Variants in AGMO observed in about 807,000 individuals in gnomAD.
AGMO encodes glyceryl-ether monooxygenase.
A neutral mutation model predicts 60.2 loss-of-function variants in AGMO; 75 were observed. The observed-to-expected ratio is 1.25, with a 90% CI of 1.03 to 1.51. AGMO has a LOEUF of 1.51. Ranked by LOEUF, AGMO falls within the 40% of genes most tolerant of loss-of-function variation. The probability of loss-of-function intolerance (pLI) is 0.00; values close to 1 mark genes in which losing one functional copy is unlikely to be tolerated. For synonymous variants in AGMO, 261 were observed against 177.1 expected (o/e 1.47, Z -3.76); for missense variants, 763 against 525.5 (o/e 1.45, Z -4.42).
chr7:15,240,423 A>T (rs1041054105), intron 12 of AGMO, among the ~76,000 whole-genome samples: 1 of 152,190 alleles, frequency 6.6e-6, no homozygotes, highest in African/African-American at 2.4e-5. Flanking sequence ...GAACCTACAG[A>T]GGACACATTT....
intron 10 of AGMO, among the ~76,000 whole-genome samples, chr7:15,378,835 CAT>C (rs1783562883): frequency 6.6e-6 from 1 of 151,350 alleles, no homozygotes; most frequent in African/African-American, 2.4e-5. Context: ...CTACATGACA[CAT>C]AATCTAAAAT....
intron 12 of AGMO, among the ~76,000 whole-genome samples, chr7:15,326,484 T>C (rs1379995161): frequency 6.6e-6 from 1 of 152,200 alleles, no homozygotes; most frequent in Admixed American, 6.5e-5. Flanking sequence ...TGCCTGCCTC[T>C]TCGCATTCTA....
intron 12 of AGMO, among the ~76,000 whole-genome samples, chr7:15,248,224 A>ATATCTC (rs1486326352): frequency 1.0e-5 from 1 of 98,748 alleles, no homozygotes; most frequent in African/African-American, 4.1e-5. Context: ...ATATATATAT[A>ATATCTC]TCTTCATCTT....
At chr7:15,236,014 A>C (rs1470192259) in intron 12 of AGMO, among the ~76,000 whole-genome samples, 2 of 152,154 alleles carry the variant, frequency 1.3e-5, no homozygotes, top group African/African-American at 4.8e-5. Context: ...CCTCAAGAGC[A>C]AGTTTAAAAT....
rs1046360647 is a variant in AGMO at position 15,455,301 on chromosome 7, T to A, written c.410-24193A>T. ...TTTCTTCTCTACAATCTATCATTAG[T>A]TTATTCCCAAATTCTGCTGCAGAAA... On this transcript the variant is annotated intron_variant, in intron 3 of 12. Transcript: ENST00000342526. 2.6e-5 allele frequency among the ~76,000 whole-genome samples: 4 copies of A among 152,264 alleles called. No individual in the cohort carries two copies. The East Asian group carries it at 7.7e-4, about 29-fold the overall frequency.
chr7:15,144,680 T>A, the AGMO span, among the ~76,000 whole-genome samples: 1 of 152,244 alleles, frequency 6.6e-6, no homozygotes, highest in Admixed American at 6.5e-5. Flanking sequence ...CTGTCTGCCC[T>A]TGCCGCTTTA....
At chr7:15,461,307 A>C (rs1272639266) in intron 3 of AGMO, among the ~76,000 whole-genome samples, 4 of 151,960 alleles carry the variant, frequency 2.6e-5, no homozygotes, top group Non-Finnish European at 5.9e-5. Flanking sequence ...TATGTAAAAA[A>C]AACTTTATAC....
chr7:15,447,998 C>A (rs554490320), intron 3 of AGMO, among the ~76,000 whole-genome samples: 38 of 152,262 alleles, frequency 2.5e-4, no homozygotes, highest in African/African-American at 8.9e-4. Flanking sequence ...AACAAAAATT[C>A]TTTTGATTGC....
At position 15,202,801 on chromosome 7, in the gene AGMO, T is replaced by C. The variant is rs1053757772; in HGVS notation, c.1264-1442A>G. ...CTGTAATTCAAGAGAAATGACCTCA[T>C]GGCACTTCTTCTGATGGTGCCAGGT... is the stretch of plus-strand genomic sequence containing the variant. On this transcript the variant is annotated intron_variant, in intron 12 of 12. Coordinates refer to ENST00000342526, the MANE Select transcript of AGMO (RefSeq NM_001004320.2). Among the ~76,000 whole-genome samples the C allele has an allele frequency of 4.6e-5, 7 of 152,154 alleles. No homozygotes were observed. The South Asian group carries it at 1.2e-3, about 27-fold the overall frequency.
In AGMO at chr7:15,385,563, C is replaced by T. The variant is rs549085660; in HGVS notation, c.958-1G>A. ...AGAAGGGAACTTCTTTGCCGGTGAC[C>T]TAGGGAGACAAGAACCATTTCCTTT... On this transcript the variant is annotated splice_acceptor_variant, in intron 9 of 12. Transcript: ENST00000342526. LOFTEE classifies it high-confidence loss of function. 1 of 1,564,138 alleles carries T rather than the reference C, an allele frequency of 6.4e-7. No individual in the cohort carries two copies. The highest frequency in any genetic ancestry group is 8.8e-7 in the Non-Finnish European group (1 of 1,135,374).
intron 12 of AGMO, among the ~76,000 whole-genome samples, chr7:15,233,069 T>C (rs1409417860): frequency 6.6e-6 from 1 of 152,034 alleles, no homozygotes; most frequent in African/African-American, 2.4e-5. Context: ...TTCTAAGAAA[T>C]AGCCATGTAG....
chr7:15,360,138 C>T (rs1782691860), intron 12 of AGMO, among the ~76,000 whole-genome samples: 1 of 152,142 alleles, frequency 6.6e-6, no homozygotes, highest in African/African-American at 2.4e-5. Context: ...CATGTCCACC[C>T]ACCAAGGTAG....
intron 3 of AGMO, among the ~76,000 whole-genome samples, chr7:15,505,463 C>T (rs996746619): frequency 2.0e-5 from 3 of 151,944 alleles, no homozygotes; most frequent in South Asian, 2.1e-4. Context: ...AAAACTACTC[C>T]TTGCCACTCA....
intron 12 of AGMO, among the ~76,000 whole-genome samples, chr7:15,259,361 GA>G (rs371749830): frequency 8.0e-5 from 12 of 150,428 alleles, no homozygotes; most frequent in South Asian, 4.2e-4. Context: ...AAAGACAAAG[GA>G]AAAAAAAATT....
chr7:15,239,263 G>C (rs1433285530), intron 12 of AGMO, among the ~76,000 whole-genome samples: 1 of 152,084 alleles, frequency 6.6e-6, no homozygotes, highest in Admixed American at 6.5e-5. Flanking sequence ...GATACAAACA[G>C]TATAGGATCC....
intron 3 of AGMO, among the ~76,000 whole-genome samples, chr7:15,514,831 C>A (rs1783768438): frequency 6.6e-6 from 1 of 152,164 alleles, no homozygotes; most frequent in African/African-American, 2.4e-5. Context: ...GAAATGGGTT[C>A]ATCAACTTTT....
intron 12 of AGMO, among the ~76,000 whole-genome samples, chr7:15,258,894 A>G (rs1449475979): frequency 6.6e-6 from 1 of 152,126 alleles, no homozygotes; most frequent in Non-Finnish European, 1.5e-5. Flanking sequence ...ACAACAAGGG[A>G]GCACTCCACA....
chr7:15,420,314 A>G (rs549523219), intron 4 of AGMO, among the ~76,000 whole-genome samples: 61 of 152,250 alleles, frequency 4.0e-4, no homozygotes, highest in African/African-American at 1.3e-3. Flanking sequence ...ATTAGCACAC[A>G]GAATACTTTC....
At chr7:15,372,778 A>C (rs1783271090) in intron 10 of AGMO, among the ~76,000 whole-genome samples, 1 of 152,162 alleles carries the variant, frequency 6.6e-6, no homozygotes, top group South Asian at 2.1e-4. Context: ...TCCCATTTCA[A>C]ATTATATACT....
Sources: gnomAD v4.1 joint callset for allele counts (sites outside exome capture counted in the v4.1 genomes callset) on GRCh38, gnomAD v4.1.1 for gene constraint, MANE v1.5 for transcripts, NCBI Gene and HGNC (gene_info 2026-07-23, HGNC 2026-07-21) for gene names.